Variants in ZFPM1 observed in about 807,000 individuals in gnomAD.
ZFPM1 encodes zinc finger protein ZFPM1.
In ZFPM1, 28 loss-of-function variants were observed where a neutral mutation model predicts 46.3. The ratio of observed to expected loss-of-function variants is 0.60; its 90% CI spans 0.45 to 0.83. ZFPM1 has a LOEUF of 0.83. Ranked by LOEUF, ZFPM1 falls within the 40% of genes least tolerant of loss-of-function variation. ZFPM1 has a pLI of 0.00. For synonymous variants in ZFPM1, 957 were observed against 675.9 expected, an observed-to-expected ratio of 1.42 and a Z score of -6.45; for missense variants, 1,878 against 1,432.4, an observed-to-expected ratio of 1.31 and a Z score of -5.02.
At position 88,461,093 on chromosome 16, in the gene ZFPM1, A is replaced by G. The variant is rs576285576; in HGVS notation, c.40+7415A>G. 6.1e-3 allele frequency among the ~76,000 whole-genome samples: 380 copies of G among 61,958 alleles called. 19 individuals carry two copies. Among genetic ancestry groups the G allele is most frequent in the African/African-American group, 0.021 (210 of 9,956 alleles). The allele number at this position is 61,958 out of a possible 152,430, so 40.6% of individuals were successfully genotyped here. ...AGGGGCAGAAGGTCTGGTGAGGACC[A>G]AGGGGCAGGAGGCCCTGGTGAGGAC... On this transcript the variant is annotated intron_variant, in intron 1 of 9. Transcript: ENST00000319555.
In ZFPM1 at chr16:88,534,589, C is replaced by T. The variant is rs758257231; in HGVS notation, c.2631C>T (p.His877=). 4 of 1,253,248 alleles carry T rather than the reference C, an allele frequency of 3.2e-6. No individual in the cohort carries two copies. The South Asian group carries it at 6.7e-5, about 21-fold the overall frequency. The allele number at this position is 1,253,248 out of a possible 1,614,324, so 77.6% of individuals were successfully genotyped here. The change falls in exon 10 of 10, where the codon CAC becomes CAT. Residue 877 remains histidine (H), a synonymous_variant. Transcript: ENST00000319555. The part of the protein sequence containing the change: ...GDLLEHFRLA[H]GLLLGAPLAG... ...TGCTGGAGCATTTCCGCCTGGCGCA[C>T]GGCCTGCTGCTCGGCGCGCCCCTGG...
At chr16:88,452,659 C>T (rs1907326669), upstream of ZFPM1, among the ~76,000 whole-genome samples, 1 of 152,258 alleles carries the variant, frequency 6.6e-6, no homozygotes. Context: ...CTTCCTGAGC[C>T]GGTTGTCACT....
At chr16:88,520,598 G>A (rs553948800) in intron 4 of ZFPM1, among the ~76,000 whole-genome samples, 2,166 of 70,998 alleles carry the variant, frequency 0.031, 52 homozygotes, top group East Asian at 0.073. Context: ...GGGAGGGTGA[G>A]TGGGTGGATG....
upstream of ZFPM1, among the ~76,000 whole-genome samples, chr16:88,452,802 AGGCGGAGCT>A (rs1415294707): frequency 2.6e-5 from 4 of 151,708 alleles, no homozygotes; most frequent in Non-Finnish European, 5.9e-5. Flanking sequence ...TCAGGTTTGG[AGGCGGAGCT>A]GGCGCCGAGA....
intron 4 of ZFPM1, among the ~76,000 whole-genome samples, chr16:88,525,067 A>C (rs1279505815): frequency 6.6e-6 from 1 of 152,236 alleles, no homozygotes; most frequent in East Asian, 1.9e-4. Context: ...CTGAGTAGTC[A>C]CTGAACGTCC....
At chr16:88,505,774 C>T (rs968071913) in intron 3 of ZFPM1, among the ~76,000 whole-genome samples, 2 of 152,178 alleles carry the variant, frequency 1.3e-5, no homozygotes, top group African/African-American at 4.8e-5. Flanking sequence ...GCAAGGAGAC[C>T]ACCGTGCTGG....
chr16:88,529,023 T>C (rs1029502073), intron 6 of ZFPM1, among the ~76,000 whole-genome samples: 5 of 152,192 alleles, frequency 3.3e-5, no homozygotes, highest in Non-Finnish European at 7.3e-5. Flanking sequence ...GCCATACCTG[T>C]GATCCCAGCA....
chr16:88,454,928 A>G (rs1907469121), intron 1 of ZFPM1, among the ~76,000 whole-genome samples: 2 of 151,784 alleles, frequency 1.3e-5, no homozygotes, highest in South Asian at 2.1e-4. Flanking sequence ...GAGCTTCCCT[A>G]CTCAGGAGGT....
intron 3 of ZFPM1, among the ~76,000 whole-genome samples, chr16:88,495,249 T>A (rs917651842): frequency 6.6e-6 from 1 of 152,160 alleles, no homozygotes; most frequent in African/African-American, 2.4e-5. Context: ...CAGAGAGTAA[T>A]CGTGTAGGCT....
At chr16:88,520,008 G>C (rs1911705602) in intron 4 of ZFPM1, among the ~76,000 whole-genome samples, 2 of 151,180 alleles carry the variant, frequency 1.3e-5, no homozygotes, top group Non-Finnish European at 3.0e-5. Context: ...GTAGATAGCT[G>C]GTGGATAAGT....
chr16:88,487,783 G>C, intron 2 of ZFPM1, among the ~76,000 whole-genome samples: 1 of 152,172 alleles, frequency 6.6e-6, no homozygotes, highest in South Asian at 2.1e-4. Flanking sequence ...CAGGCCCTGG[G>C]GTCACCAGAG....
intron 6 of ZFPM1, 128 bp downstream of exon 6, chr16:88,528,366 G>A (rs1912515558): frequency 8.9e-7 from 1 of 1,127,142 alleles, no homozygotes; most frequent in Admixed American, 2.6e-5. Flanking sequence ...GAGAGGTAAG[G>A]CAGGGAAGGA....
In ZFPM1 at chr16:88,501,982, C is replaced by G. The variant is rs926320587; in HGVS notation, c.269-12405C>G. Among the ~76,000 whole-genome samples the G allele has an allele frequency of 9.2e-5, 14 of 152,156 alleles. 1 individual carries two copies. The highest frequency in any genetic ancestry group is 1.9e-4 in the Non-Finnish European group (13 of 68,014). ...GGCCGGTGAGCCCTGACCTCCTGAC[C>G]CCAGCCCTGCAAACGCCCCAACCCA... On this transcript the variant is annotated intron_variant, in intron 3 of 9. Transcript: ENST00000319555.
At chr16:88,481,432 C>T (rs906375836) in intron 1 of ZFPM1, among the ~76,000 whole-genome samples, 9 of 151,936 alleles carry the variant, frequency 5.9e-5, no homozygotes, top group Non-Finnish European at 8.8e-5. Flanking sequence ...CCCCCACCAC[C>T]GCTGCCTCCT....
chr16:88,453,074 A>G (rs1597221167), upstream of ZFPM1, among the ~76,000 whole-genome samples: 1 of 140,872 alleles, frequency 7.1e-6, no homozygotes, highest in South Asian at 2.3e-4. Context: ...GTAAAGAGCG[A>G]GGCGGGCGGG....
intron 2 of ZFPM1, 146 bp from the exon 3 acceptor site, chr16:88,488,885 T>G: frequency 1.6e-6 from 2 of 1,249,658 alleles, no homozygotes; most frequent in Non-Finnish European, 2.2e-6. Flanking sequence ...CCCACCCCAG[T>G]GAGAGCGCAC....
intron 2 of ZFPM1, among the ~76,000 whole-genome samples, chr16:88,487,890 AG>A (rs1909322383): frequency 6.6e-6 from 1 of 152,190 alleles, no homozygotes; most frequent in South Asian, 2.1e-4. Context: ...GCAGGCGTCC[AG>A]CCCAGCCTCT....
chr16:88,534,894 G>T lies in ZFPM1; in HGVS notation c.2936G>T (p.Cys979Phe). 1 of 1,566,214 alleles carries T rather than the reference G, an allele frequency of 6.4e-7. No homozygotes were observed. The change falls in exon 10 of 10, where the codon TGC (cysteine) becomes TTC (phenylalanine). Residue 979 changes from cysteine to phenylalanine, a missense_variant. Cys to Phe is a radical substitution (Grantham distance 205, BLOSUM62 -2). Transcript: ENST00000319555. The part of the protein sequence containing the change: ...PNGNHRYCRL[C>F]NIKFSSLSTF... ...GGCAACCACCGGTACTGCCGTCTTT[G>T]CAACATCAAGTTCAGCAGCCTGTCC...
chr16:88,475,394 A>T (rs1457325707), intron 1 of ZFPM1, among the ~76,000 whole-genome samples: 1 of 152,074 alleles, frequency 6.6e-6, no homozygotes, highest in Non-Finnish European at 1.5e-5. Context: ...TCCTCCTATG[A>T]CGTGGAGCCA....
Sources: gnomAD v4.1 joint callset for allele counts (sites outside exome capture counted in the v4.1 genomes callset) on GRCh38, gnomAD v4.1.1 for gene constraint, MANE v1.5 for transcripts, NCBI Gene and HGNC (gene_info 2026-07-23, HGNC 2026-07-21) for gene names.